The following ITIH5 variants were observed in gnomAD, a reference collection of about 807,000 sequenced individuals.
ITIH5 encodes inter-alpha-trypsin inhibitor heavy chain H5.
A neutral mutation model predicts 77.5 loss-of-function variants in ITIH5; 65 were observed. That is an observed-to-expected ratio of 0.84 (90% CI 0.69 to 1.03). The LOEUF is 1.03. Among genes scored for constraint, ITIH5 ranks in the 50% least tolerant of loss-of-function variants. The pLI is 0.00. For synonymous variants in ITIH5, 525 were observed against 494.3 expected (o/e 1.06, Z -0.82); for missense variants, 1,208 against 1,213.1 (o/e 1.00, Z 0.06).
intron 7 of ITIH5, among the ~76,000 whole-genome samples, chr10:7,610,075 T>A (rs868237142): frequency 6.8e-6 from 1 of 147,080 alleles, no homozygotes; most frequent in Non-Finnish European, 1.5e-5. Flanking sequence ...TTTTCTTTTT[T>A]TTTTTTTTTT....
intron 8 of ITIH5, among the ~76,000 whole-genome samples, chr10:7,580,429 T>C (rs539274602): frequency 4.2e-4 from 64 of 152,232 alleles, no homozygotes; most frequent in African/African-American, 1.5e-3. Flanking sequence ...CTGAATGCAC[T>C]TTCATAGCTG....
At chr10:7,653,893 G>A (rs969982733) in intron 2 of ITIH5, among the ~76,000 whole-genome samples, 2 of 152,208 alleles carry the variant, frequency 1.3e-5, no homozygotes, top group East Asian at 1.9e-4. Flanking sequence ...AGTGGCTCAC[G>A]CCTGTAATCC....
chr10:7,650,869 G>A (rs1834087993), intron 2 of ITIH5, among the ~76,000 whole-genome samples: 1 of 152,122 alleles, frequency 6.6e-6, no homozygotes, highest in Admixed American at 6.5e-5. Context: ...CATCGGTTCT[G>A]AATCACCTAC....
intron 12 of ITIH5, among the ~76,000 whole-genome samples, chr10:7,569,010 CTTTTTTTTTTTT>C (rs5782983): frequency 1.0e-3 from 72 of 71,606 alleles, no homozygotes; most frequent in African/African-American, 3.3e-3. Context: ...TTTTCTTTTT[CTTTTTTTTTTTT>C]TTTTTTTTTT....
intron 8 of ITIH5, among the ~76,000 whole-genome samples, chr10:7,583,580 C>T (rs573672753): frequency 1.3e-5 from 2 of 152,188 alleles, no homozygotes; most frequent in Non-Finnish European, 2.9e-5. Flanking sequence ...GCAATCCACC[C>T]GCCTTGGCCT....
intron 7 of ITIH5, among the ~76,000 whole-genome samples, chr10:7,598,105 C>T (rs529273080): frequency 3.9e-5 from 6 of 152,202 alleles, no homozygotes; most frequent in African/African-American, 1.4e-4. Flanking sequence ...AGTAACACTT[C>T]AGGGGGTTAT....
At chr10:7,645,079 G>A (rs1456339606) in intron 2 of ITIH5, among the ~76,000 whole-genome samples, 2 of 151,472 alleles carry the variant, frequency 1.3e-5, no homozygotes, top group Non-Finnish European at 2.9e-5. Flanking sequence ...ATGCAAAGGT[G>A]TCAGGGCCAT....
At chr10:7,608,724 C>A (rs1459619684) in intron 7 of ITIH5, among the ~76,000 whole-genome samples, 2 of 152,230 alleles carry the variant, frequency 1.3e-5, no homozygotes, top group Non-Finnish European at 2.9e-5. Context: ...CTGCCATCTG[C>A]ACGCACACTC....
In ITIH5 at chr10:7,568,665, G is replaced by A. The variant is rs190427687; in HGVS notation, c.2149+1003C>T. Among the ~76,000 whole-genome samples, 37 of 152,262 alleles carry A rather than the reference G, an allele frequency of 2.4e-4. No individual in the cohort carries two copies. In the East Asian group the frequency reaches 6.0e-3, roughly 25 times the overall value. ...TGTGCAACCCAACATTCCAAGACAC[G>A]TTCTCAGCAGTGAGGAAGTGCCGGG... On this transcript the variant is annotated intron_variant, in intron 12 of 13. Transcript: ENST00000397146.
At chr10:7,592,140 A>T (rs1832804972) in intron 7 of ITIH5, among the ~76,000 whole-genome samples, 1 of 152,162 alleles carries the variant, frequency 6.6e-6, no homozygotes, top group Non-Finnish European at 1.5e-5. Flanking sequence ...AAGTGTTGGG[A>T]TTACAGGCGT....
intron 5 of ITIH5, among the ~76,000 whole-genome samples, chr10:7,626,232 A>T (rs1054266115): frequency 2.0e-5 from 3 of 152,194 alleles, no homozygotes; most frequent in African/African-American, 7.2e-5. Context: ...AAAAAGAGTG[A>T]AGCCTCACAG....
intron 7 of ITIH5, among the ~76,000 whole-genome samples, chr10:7,593,225 G>T (rs952964545): frequency 6.6e-6 from 1 of 152,038 alleles, no homozygotes; most frequent in Non-Finnish European, 1.5e-5. Context: ...ACTTGTCCTT[G>T]CGTGCACCAG....
At chr10:7,634,694 T>C (rs1358759645) in intron 5 of ITIH5, among the ~76,000 whole-genome samples, 1 of 152,154 alleles carries the variant, frequency 6.6e-6, no homozygotes, top group East Asian at 1.9e-4. Context: ...AGAGTCATTA[T>C]GATTCTGAAA....
intron 1 of ITIH5, among the ~76,000 whole-genome samples, chr10:7,659,803 C>A (rs1223473185): frequency 6.6e-6 from 1 of 152,182 alleles, no homozygotes; most frequent in Non-Finnish European, 1.5e-5. Context: ...ATCAAAACTT[C>A]CCAGTACACG....
intron 5 of ITIH5, among the ~76,000 whole-genome samples, chr10:7,625,166 C>G (rs1833556194): frequency 6.6e-6 from 1 of 151,592 alleles, no homozygotes; most frequent in East Asian, 2.0e-4. Flanking sequence ...TATAATTCAG[C>G]CTTCAAAAGA....
At chr10:7,589,435 G>A (rs1832748443) in intron 7 of ITIH5, among the ~76,000 whole-genome samples, 1 of 152,124 alleles carries the variant, frequency 6.6e-6, no homozygotes, top group Admixed American at 6.5e-5. Context: ...CTCCAGCCTG[G>A]GCGACAGAGC....
chr10:7,566,154 C>T lies in ITIH5; in HGVS notation c.2403G>A (p.Gln801=). Residue 801 remains glutamine, a synonymous_variant, in exon 13 of 14, where the codon CAG becomes CAA. Transcript: ENST00000397146. ...SANANVTVTI[Q]GSIAFVILIH... ...TGAGGATGACAAAGGCTATGGAGCC[C>T]TGGATGGTGACGGTGACATTGGCGT... is the stretch of plus-strand genomic sequence containing the variant. 1 of 1,614,126 alleles carries T rather than the reference C, an allele frequency of 6.2e-7. No individual in the cohort carries two copies. The highest frequency in any genetic ancestry group is 8.5e-7 in the Non-Finnish European group (1 of 1,180,024).
rs772372585 is a variant in ITIH5, at chr10:7,637,210, C to T, written c.652+18G>A. On this transcript the variant is annotated intron_variant, in intron 5 of 13. Coordinates refer to ENST00000397146, the MANE Select transcript of ITIH5 (RefSeq NM_030569.7). ...GTTTTCACCACAGATCTGCACGAACCCAGCACGCAGGACTCACCTTCCCCG... is the reference window on the plus strand; with the variant it reads ...GTTTTCACCACAGATCTGCACGAACTCAGCACGCAGGACTCACCTTCCCCG... 1.2e-6 allele frequency: 2 copies of T among 1,600,614 alleles called. No individual in the cohort carries two copies. Among genetic ancestry groups the T allele is most frequent in the South Asian group, 1.1e-5 (1 of 90,702 alleles).
chr10:7,563,360 C>A lies in ITIH5; in HGVS notation c.2552G>T (p.Arg851Ile). 1 of 1,613,074 alleles carries A rather than the reference C, an allele frequency of 6.2e-7. No homozygotes were observed. Among genetic ancestry groups the A allele is most frequent in the Non-Finnish European group, 8.5e-7 (1 of 1,179,150 alleles). ...GGGCCCTGCAGGGTCTTCTGTGAGT[C>A]TGGCATCCTGATTCAGGAACTGACC... ...LLGQFLNQDA[R>I]LTEDPAGPSQ... Residue 851 changes from arginine to isoleucine, a missense_variant, in exon 14 of 14, where the codon AGA becomes ATA. Physicochemically the swap from Arg to Ile is moderately conservative, Grantham distance 97. Transcript: ENST00000397146.
Sources: allele counts gnomAD v4.1 joint callset (sites outside exome capture counted in the v4.1 genomes callset), GRCh38; gene constraint gnomAD v4.1.1; transcripts MANE v1.5; gene names NCBI Gene and HGNC (gene_info 2026-07-23, HGNC 2026-07-21).